The following DMD variants were observed in gnomAD, a reference collection of about 807,000 sequenced individuals.
DMD encodes mutant dystrophin.
A neutral mutation model predicts 330.1 loss-of-function variants in DMD; 63 were observed. That is an observed-to-expected ratio of 0.19 (90% CI 0.16 to 0.24). The LOEUF (loss-of-function observed/expected upper bound fraction) is 0.24, where lower values mean the gene tolerates loss of function less well. Among genes scored for constraint, DMD ranks in the 10% least tolerant of loss-of-function variants. The probability of loss-of-function intolerance (pLI) is 1.00; values close to 1 mark genes in which losing one functional copy is unlikely to be tolerated. For missense variants in DMD, 3,344 were observed against 2,684.1 expected (o/e 1.25, Z -5.43); for synonymous variants, 1,223 against 959.8 (o/e 1.27, Z -5.07).
chrX:31,844,797 T>A (rs1345898599), intron 48 of DMD, among the ~76,000 whole-genome samples: 2 of 111,294 alleles, frequency 1.8e-5, no homozygotes, highest in African/African-American at 6.5e-5. Flanking sequence ...TTGTAAATAG[T>A]TTGCATTCTT....
intron 44 of DMD, among the ~76,000 whole-genome samples, chrX:32,004,441 G>A (rs180713174): frequency 1.8e-5 from 2 of 111,552 alleles, no homozygotes; most frequent in African/African-American, 6.5e-5. Flanking sequence ...TTGGGTTAAA[G>A]CAAACTTTCA....
At chrX:33,011,511 T>C (rs1488401158) in intron 2 of DMD, among the ~76,000 whole-genome samples, 1 of 112,568 alleles carries the variant, frequency 8.9e-6, no homozygotes, top group East Asian at 2.8e-4. Flanking sequence ...TTAGTCATTC[T>C]GTCTTCTATG....
intron 43 of DMD, among the ~76,000 whole-genome samples, chrX:32,262,463 TC>T (rs2097327245): frequency 9.0e-6 from 1 of 111,635 alleles, no homozygotes; most frequent in African/African-American, 3.3e-5. Flanking sequence ...TCAAAACTTA[TC>T]AAATTGTACT....
intron 2 of DMD, among the ~76,000 whole-genome samples, chrX:32,999,277 A>T (rs2093210996): frequency 8.9e-6 from 1 of 112,104 alleles, no homozygotes; most frequent in African/African-American, 3.2e-5. Context: ...CTTTCTTGAA[A>T]CATCATGAGA....
At chrX:31,486,944 C>T (rs750383670) in intron 57 of DMD, among the ~76,000 whole-genome samples, 3 of 111,765 alleles carry the variant, frequency 2.7e-5, no homozygotes, top group Non-Finnish European at 5.6e-5. Context: ...ATGCTCACTT[C>T]GGGACAAGCA....
At chrX:32,336,075 A>AAC (rs2097713159) in intron 41 of DMD, among the ~76,000 whole-genome samples, 1 of 104,964 alleles carries the variant, frequency 9.5e-6, no homozygotes, top group Admixed American at 1.0e-4. Flanking sequence ...ACGTGTGTAT[A>AAC]ACATGTTATA....
rs756675136 is a variant in DMD at position 33,009,579 on chromosome X, CAT to C, written c.93+10558_93+10559del. Among the ~76,000 whole-genome samples the C allele has an allele frequency of 2.1e-3, 71 of 33,769 alleles. 13 individuals carry two copies. The highest frequency in any genetic ancestry group is 2.6e-3 in the African/African-American group (25 of 9,724). The allele number at this position is 33,769 out of a possible 115,157, so 29.3% of individuals were successfully genotyped here. A position where few individuals can be genotyped will look rare whatever the true frequency, so the allele number is the denominator to read the frequency against. ...GTGTATGTGTGTATGTGTATATACA[CAT>C]ATGTGTGTATGTGTGTATGTGTATA... On this transcript the variant is annotated intron_variant, in intron 2 of 78. Transcript: ENST00000357033.
At chrX:31,514,375 C>T (rs747975578) in intron 55 of DMD, among the ~76,000 whole-genome samples, 3 of 111,210 alleles carry the variant, frequency 2.7e-5, no homozygotes, top group Non-Finnish European at 5.7e-5. Flanking sequence ...TAGGGGAGAT[C>T]CTGTTTTCTG....
intron 1 of DMD, among the ~76,000 whole-genome samples, chrX:33,272,628 T>C (rs1228893899): frequency 9.3e-6 from 1 of 107,750 alleles, no homozygotes; most frequent in East Asian, 3.0e-4. Flanking sequence ...TGTTGCCCCA[T>C]TGTGGGATTC....
At chrX:32,887,325 T>C (rs1361939833) in intron 2 of DMD, among the ~76,000 whole-genome samples, 1 of 106,452 alleles carries the variant, frequency 9.4e-6, no homozygotes, top group Non-Finnish European at 1.9e-5. Flanking sequence ...CCAGCCTGGA[T>C]GACAGAGCAA....
At chrX:31,705,867 T>C (rs1297392770) in intron 52 of DMD, among the ~76,000 whole-genome samples, 1 of 111,947 alleles carries the variant, frequency 8.9e-6, no homozygotes, top group African/African-American at 3.2e-5. Context: ...GATGAATAAC[T>C]GAAGCCATGA....
chrX:33,249,182 C>T (rs147189718), intron 1 of DMD, among the ~76,000 whole-genome samples: 1,314 of 112,198 alleles, frequency 0.012, 22 homozygotes, highest in African/African-American at 0.04. Context: ...TGGAGTTTTG[C>T]TCTTGTTGCC....
In DMD at chrX:32,163,535, G is replaced by C. The variant is rs763687447; in HGVS notation, c.6438+53381C>G. On this transcript the variant is annotated intron_variant, in intron 44 of 78. Coordinates refer to ENST00000357033, the MANE Select transcript of DMD (RefSeq NM_004006.3). ...GACAATTAAAGGGTGGCTTGAGATA[G>C]TTCCTTTGTGACGCTGGAACTATTC... Among the ~76,000 whole-genome samples the C allele has an allele frequency of 9.8e-5, 11 of 112,096 alleles. No homozygotes were observed. The South Asian group carries it at 4.1e-3, about 41-fold the overall frequency.
chrX:33,048,465 G>A (rs1417962131), intron 1 of DMD, among the ~76,000 whole-genome samples: 1 of 109,778 alleles, frequency 9.1e-6, no homozygotes, highest in Non-Finnish European at 1.9e-5. Flanking sequence ...CGAGGCGGGT[G>A]GATCACCTGA....
chrX:33,266,266 A>G (rs2053039126), intron 1 of DMD, among the ~76,000 whole-genome samples: 1 of 112,076 alleles, frequency 8.9e-6, no homozygotes, highest in Non-Finnish European at 1.9e-5. Flanking sequence ...AAAGGTAGAA[A>G]AAGTAAAGAG....
At chrX:33,079,644 G>C (rs1289523335) in intron 1 of DMD, among the ~76,000 whole-genome samples, 2 of 111,100 alleles carry the variant, frequency 1.8e-5, no homozygotes, top group Admixed American at 1.9e-4. Context: ...GACTTTAGAG[G>C]ACCTAATATC....
intron 41 of DMD, among the ~76,000 whole-genome samples, chrX:32,326,906 CAAAAA>C (rs35702108): frequency 1.1e-5 from 1 of 88,175 alleles, no homozygotes; most frequent in Non-Finnish European, 2.2e-5. Flanking sequence ...GAATCTGTCT[CAAAAA>C]AAAAAAAAAA....
chrX:32,214,295 T>C (rs1445798158), intron 44 of DMD, among the ~76,000 whole-genome samples: 1 of 108,652 alleles, frequency 9.2e-6, no homozygotes, highest in East Asian at 2.9e-4. Context: ...ACATCAGACA[T>C]TGAAGGACAG....
intron 44 of DMD, among the ~76,000 whole-genome samples, chrX:32,088,225 T>C (rs1457948199): frequency 8.9e-6 from 1 of 111,882 alleles, no homozygotes; most frequent in Non-Finnish European, 1.9e-5. Context: ...TCAGGCACTG[T>C]GCTAAACACT....
Sources: gnomAD v4.1 joint callset for allele counts (sites outside exome capture counted in the v4.1 genomes callset) on GRCh38, gnomAD v4.1.1 for gene constraint, MANE v1.5 for transcripts, NCBI Gene and HGNC (gene_info 2026-07-23, HGNC 2026-07-21) for gene names.